FGFR2: variants seen among roughly 807,000 people sequenced by gnomAD.
FGFR2 encodes fibroblast growth factor receptor 2, also known as BEK fibroblast growth factor receptor.
In FGFR2, 19 loss-of-function variants were observed where a neutral mutation model predicts 95.9. The observed-to-expected ratio is 0.20, with a 90% confidence interval of 0.14 to 0.29. The LOEUF (loss-of-function observed/expected upper bound fraction) is 0.29, where lower values mean the gene tolerates loss of function less well. Ranked by LOEUF, FGFR2 falls within the 10% of genes least tolerant of loss-of-function variation. FGFR2 has a pLI of 1.00. For synonymous variants in FGFR2, 392 were observed against 393.3 expected (o/e 1.00, Z 0.04); for missense variants, 707 against 1,056.9 (o/e 0.67, Z 4.59).
intron 6 of FGFR2, among the ~76,000 whole-genome samples, chr10:121,534,757 A>T (rs1448047136): frequency 6.6e-6 from 1 of 152,126 alleles, no homozygotes; most frequent in African/African-American, 2.4e-5. Flanking sequence ...GCTATTAAAG[A>T]TCCATTCTAA....
chr10:121,517,540 C>T lies in FGFR2; in HGVS notation c.940-77G>A, dbSNP rs150680354. ...TGGAGGGGGCTGTGGAACCACAAGG[C>T]GTCGCACCGGGGGCTTCAGGGGGTG... On this transcript the variant is annotated intron_variant, in intron 7 of 17. Coordinates refer to ENST00000358487, the MANE Select transcript of FGFR2 (RefSeq NM_000141.5). This position sits in a 1 kb window ranked among gnomAD's most constrained non-coding sequence, Gnocchi z 4.7. 9.2e-5 allele frequency: 146 copies of T among 1,581,826 alleles called. No individual in the cohort carries two copies. The African/African-American group carries it at 1.7e-3, about 18-fold the overall frequency.
rs767930887 is a variant in FGFR2, at chr10:121,517,891, A to G, written c.940-428T>C. On this transcript the variant is annotated intron_variant, in intron 7 of 17. Coordinates refer to ENST00000358487, the MANE Select transcript of FGFR2 (RefSeq NM_000141.5). The surrounding 1 kb of genome is among the most constrained non-coding windows in gnomAD (Gnocchi z 4.7). Reference sequence around the variant, plus strand: ...TGTGTTTTAAGACAACACACTGCACATAAGCCCAGATGGACACCTCACCCA... The same window carrying G: ...TGTGTTTTAAGACAACACACTGCACGTAAGCCCAGATGGACACCTCACCCA... 6.6e-5 allele frequency among the ~76,000 whole-genome samples: 10 copies of G among 152,054 alleles called. No individual in the cohort carries two copies. The highest frequency in any genetic ancestry group is 2.1e-4 in the South Asian group (1 of 4,808).
intron 9 of FGFR2, among the ~76,000 whole-genome samples, chr10:121,512,008 C>T (rs1450907683): frequency 1.3e-5 from 2 of 152,142 alleles, no homozygotes; most frequent in Non-Finnish European, 2.9e-5. Flanking sequence ...GACTGAGGGA[C>T]CTGAGTGAGA....
chr10:121,504,433 T>C (rs923900744), intron 9 of FGFR2, among the ~76,000 whole-genome samples: 1 of 152,202 alleles, frequency 6.6e-6, no homozygotes, highest in Non-Finnish European at 1.5e-5. Context: ...AAATGTAAAG[T>C]GGAATATCTC....
chr10:121,512,694 T>C (rs1472767002), intron 9 of FGFR2, among the ~76,000 whole-genome samples: 2 of 152,116 alleles, frequency 1.3e-5, no homozygotes, highest in Non-Finnish European at 2.9e-5. Flanking sequence ...CAAATAACCT[T>C]GGAACCACTG....
At chr10:121,540,454 G>A (rs1853540962) in intron 5 of FGFR2, among the ~76,000 whole-genome samples, 1 of 152,148 alleles carries the variant, frequency 6.6e-6, no homozygotes. Flanking sequence ...AGGAGGAGGA[G>A]ATATGGATGC....
chr10:121,509,358 C>T (rs894134599), intron 9 of FGFR2, among the ~76,000 whole-genome samples: 1 of 150,370 alleles, frequency 6.7e-6, no homozygotes, highest in African/African-American at 2.5e-5. Flanking sequence ...ATAAGTCAAG[C>T]TTTTAAGTAA....
chr10:121,595,616 T>C (rs1002767909), intron 1 of FGFR2, among the ~76,000 whole-genome samples: 1 of 152,248 alleles, frequency 6.6e-6, no homozygotes, highest in African/African-American at 2.4e-5. Flanking sequence ...TATTTCTACA[T>C]ACATGTGGGA....
intron 2 of FGFR2, among the ~76,000 whole-genome samples, chr10:121,570,468 C>A (rs1858485187): frequency 6.6e-6 from 1 of 152,250 alleles, no homozygotes; most frequent in African/African-American, 2.4e-5. Context: ...GCACAGCCTG[C>A]TCTGTGAAAG....
chr10:121,519,955 C>A (rs772481054), intron 7 of FGFR2, 24 bp downstream of exon 7: 13 of 1,613,536 alleles, frequency 8.1e-6, no homozygotes, highest in South Asian at 7.7e-5. Context: ...GTTGTGGGTA[C>A]CTTTAGATTC....
Position 121,518,132 on chromosome 10 carries a change from T to C in FGFR2, c.940-669A>G, listed in dbSNP as rs563985700. 2.4e-6 allele frequency: 1 copy of C among 413,850 alleles called. No individual in the cohort carries two copies. Among genetic ancestry groups the C allele is most frequent in the East Asian group, 6.2e-5 (1 of 16,018 alleles). The allele number at this position is 413,850 out of a possible 1,614,324, so 25.6% of individuals were successfully genotyped here. ...CATGACAAACCTAAAAAGTCAACCT[T>C]TTGCCTTTAGTAGCGTCCAGTAGTA... On this transcript the variant is annotated intron_variant, in intron 7 of 17. Transcript: ENST00000358487. The surrounding 1 kb of genome is among the most constrained non-coding windows in gnomAD (Gnocchi z 4.0).
At chr10:121,583,168 T>C (rs1861218035) in intron 2 of FGFR2, 1 of 152,176 alleles carries the variant, frequency 6.6e-6, no homozygotes. Flanking sequence ...AAAAGTGACA[T>C]TAGAAGGGTC....
chr10:121,535,653 A>G (rs2134550479), intron 6 of FGFR2, among the ~76,000 whole-genome samples: 1 of 152,278 alleles, frequency 6.6e-6, no homozygotes, highest in East Asian at 1.9e-4. Flanking sequence ...AGCCCATTTT[A>G]TTATCGCCAC....
intron 2 of FGFR2, chr10:121,583,646 G>A (rs1342346352): frequency 1.3e-5 from 2 of 153,486 alleles, no homozygotes; most frequent in Admixed American, 6.5e-5. Context: ...GTCTTTAGGA[G>A]AATTCGGTAT....
chr10:121,512,892 G>A (rs1421270229), intron 9 of FGFR2, among the ~76,000 whole-genome samples: 1 of 151,914 alleles, frequency 6.6e-6, no homozygotes, highest in Non-Finnish European at 1.5e-5. Context: ...TTTTAAAGAC[G>A]GAGTTTTACT....
chr10:121,568,828 G>A (rs948742265), intron 2 of FGFR2, among the ~76,000 whole-genome samples: 7 of 152,124 alleles, frequency 4.6e-5, no homozygotes, highest in South Asian at 2.1e-4. Flanking sequence ...GGACTACCAC[G>A]TGCTGTTCTA....
intron 5 of FGFR2, among the ~76,000 whole-genome samples, chr10:121,547,488 G>A (rs1784876839): frequency 6.6e-6 from 1 of 150,648 alleles, no homozygotes; most frequent in South Asian, 2.1e-4. Flanking sequence ...CCAAACTCCT[G>A]GGCTCAAGCG....
chr10:121,519,292 A>T lies in FGFR2; in HGVS notation c.939+687T>A, dbSNP rs1850165886. ...GCTGCCCCTGTCCTCAGTCTCCTGA[A>T]GAGCAAACCTAGATCTAAAAAAGAG... On this transcript the variant is annotated intron_variant, in intron 7 of 17. Transcript: ENST00000358487. Among the ~76,000 whole-genome samples, 6 of 152,316 alleles carry T rather than the reference A, an allele frequency of 3.9e-5. No homozygotes were observed. In the South Asian group the frequency reaches 1.2e-3, roughly 32 times the overall value.
intron 6 of FGFR2, 77 bp downstream of exon 6, chr10:121,538,515 T>C (rs1277836131): frequency 6.3e-7 from 1 of 1,595,490 alleles, no homozygotes. Flanking sequence ...GAAACAGGAC[T>C]TAACGTTCAT....
Sources: gnomAD v4.1 joint callset for allele counts (sites outside exome capture counted in the v4.1 genomes callset) on GRCh38, gnomAD v4.1.1 for gene constraint, Gnocchi (gnomAD v3.1) non-coding constraint, MANE v1.5 for transcripts, NCBI Gene and HGNC (gene_info 2026-07-23, HGNC 2026-07-21) for gene names.